Variants in TMEM74 observed in about 807,000 individuals in gnomAD.
TMEM74 encodes the protein transmembrane protein 74.
Under a neutral mutation model 18.1 loss-of-function variants are expected in TMEM74, and 13 were observed. The observed-to-expected ratio is 0.72, with a 90% CI of 0.47 to 1.14. The LOEUF is 1.14. TMEM74 is among the 50% of genes most tolerant of loss of function. The probability of loss-of-function intolerance (pLI) is 0.00; values close to 1 mark genes in which losing one functional copy is unlikely to be tolerated. For missense variants in TMEM74, 372 were observed against 375.9 expected, an observed-to-expected ratio of 0.99 and a Z score of 0.09; for synonymous variants, 159 against 146.6, an observed-to-expected ratio of 1.08 and a Z score of -0.61.
At chr8:108,757,835 C>T (rs1050257650) in intron 1 of TMEM74, among the ~76,000 whole-genome samples, 7 of 151,964 alleles carry the variant, frequency 4.6e-5, no homozygotes, top group African/African-American at 1.2e-4. Context: ...TTAGCAAACA[C>T]GTTGTAGCTT....
At chr8:108,696,067 C>G (rs1324495607) in intron 1 of TMEM74, among the ~76,000 whole-genome samples, 2 of 152,136 alleles carry the variant, frequency 1.3e-5, no homozygotes, top group Non-Finnish European at 2.9e-5. Flanking sequence ...AAATTTCCAT[C>G]AAAAAGTATG....
intron 2 of TMEM74, among the ~76,000 whole-genome samples, chr8:108,643,339 C>T (rs1812684686): frequency 6.6e-6 from 1 of 152,126 alleles, no homozygotes; most frequent in African/African-American, 2.4e-5. Context: ...ACTTTGAGAA[C>T]CATTGACTTA....
intron 1 of TMEM74, among the ~76,000 whole-genome samples, chr8:108,665,152 A>G (rs916040747): frequency 1.3e-5 from 2 of 152,146 alleles, no homozygotes; most frequent in Non-Finnish European, 2.9e-5. Flanking sequence ...TTGAGAGGTT[A>G]CAGCATTTGA....
intron 1 of TMEM74, among the ~76,000 whole-genome samples, chr8:108,767,468 A>G (rs1003633392): frequency 6.6e-6 from 1 of 152,194 alleles, no homozygotes; most frequent in African/African-American, 2.4e-5. Context: ...TAGGGTCAAT[A>G]TAGGAAGGAT....
At chr8:108,723,250 T>A (rs548223522) in intron 1 of TMEM74, among the ~76,000 whole-genome samples, 1 of 152,334 alleles carries the variant, frequency 6.6e-6, no homozygotes, top group East Asian at 1.9e-4. Context: ...ATGTTATATA[T>A]GCATTTGTTA....
intron 2 of TMEM74, among the ~76,000 whole-genome samples, chr8:108,612,183 A>C (rs1379787845): frequency 1.3e-5 from 2 of 152,062 alleles, no homozygotes; most frequent in Non-Finnish European, 2.9e-5. Flanking sequence ...CAGCCAAACT[A>C]TATCAGGCAC....
chr8:108,701,270 A>G (rs1029094861), intron 1 of TMEM74, among the ~76,000 whole-genome samples: 1 of 152,090 alleles, frequency 6.6e-6, no homozygotes, highest in Admixed American at 6.5e-5. Flanking sequence ...GAACATCTGT[A>G]AAAACCCCAC....
intron 1 of TMEM74, among the ~76,000 whole-genome samples, chr8:108,722,706 T>C (rs1323924151): frequency 6.6e-6 from 1 of 152,132 alleles, no homozygotes; most frequent in Non-Finnish European, 1.5e-5. Flanking sequence ...CTAATTTGCA[T>C]CTATCTCCCA....
intron 1 of TMEM74, among the ~76,000 whole-genome samples, chr8:108,720,513 T>C (rs554764605): frequency 6.6e-6 from 1 of 152,320 alleles, no homozygotes; most frequent in African/African-American, 2.4e-5. Flanking sequence ...GAATAATTGA[T>C]CTAATAGTCC....
chr8:108,673,103 G>A (rs1414284703), intron 1 of TMEM74, among the ~76,000 whole-genome samples: 1 of 152,120 alleles, frequency 6.6e-6, no homozygotes, highest in Non-Finnish European at 1.5e-5. Flanking sequence ...TAAGAAAATT[G>A]GATCCACTGT....
chr8:108,731,238 C>A (rs924847649), intron 1 of TMEM74, among the ~76,000 whole-genome samples: 1 of 151,420 alleles, frequency 6.6e-6, no homozygotes, highest in African/African-American at 2.4e-5. Context: ...CCCATCCCCC[C>A]CAAAAAAAGG....
At chr8:108,687,006 C>A (rs1056621467) in intron 1 of TMEM74, among the ~76,000 whole-genome samples, 3 of 152,056 alleles carry the variant, frequency 2.0e-5, no homozygotes, top group African/African-American at 7.2e-5. Context: ...ATTTGAATTT[C>A]AAATTTAAAT....
intron 2 of TMEM74, among the ~76,000 whole-genome samples, chr8:108,639,764 C>CT (rs1812644643): frequency 1.3e-5 from 2 of 151,994 alleles, no homozygotes; most frequent in Admixed American, 6.6e-5. Context: ...TCATTTTGGT[C>CT]CCTACGTATT....
At chr8:108,694,448 T>C (rs1411483802) in intron 1 of TMEM74, among the ~76,000 whole-genome samples, 1 of 152,226 alleles carries the variant, frequency 6.6e-6, no homozygotes, top group Non-Finnish European at 1.5e-5. Context: ...TATTGTATAA[T>C]TTCATTTATA....
intron 1 of TMEM74, among the ~76,000 whole-genome samples, chr8:108,697,720 G>A (rs1813294919): frequency 6.6e-6 from 1 of 152,160 alleles, no homozygotes; most frequent in Non-Finnish European, 1.5e-5. Context: ...TTCTTACTAT[G>A]TGAATTAATT....
chr8:108,730,474 T>C (rs1360963124), intron 1 of TMEM74, among the ~76,000 whole-genome samples: 1 of 152,196 alleles, frequency 6.6e-6, no homozygotes, highest in Non-Finnish European at 1.5e-5. Flanking sequence ...TTCTTGCACC[T>C]TTGGATACTA....
At chr8:108,752,835 T>C (rs374240074) in intron 1 of TMEM74, among the ~76,000 whole-genome samples, 2 of 152,146 alleles carry the variant, frequency 1.3e-5, no homozygotes, top group Admixed American at 6.6e-5. Context: ...ATTTCTTATC[T>C]GTCTTAGAAA....
At chr8:108,756,600 A>AAGAGAAAGGG (rs1190452309) in intron 1 of TMEM74, among the ~76,000 whole-genome samples, 744 of 40,664 alleles carry the variant, frequency 0.018, 42 homozygotes, top group Middle Eastern at 0.048. Context: ...AAGAAAGAGA[A>AAGAGAAAGGG]AGGAAGGAAG....
At chr8:108,633,001 G>T (rs531441021) in intron 2 of TMEM74, among the ~76,000 whole-genome samples, 14 of 152,058 alleles carry the variant, frequency 9.2e-5, no homozygotes, top group Admixed American at 7.2e-4. Context: ...GAAGAAGAGT[G>T]TTCAAATAAT....
Sources: gnomAD v4.1 joint callset for allele counts (sites outside exome capture counted in the v4.1 genomes callset) on GRCh38, gnomAD v4.1.1 for gene constraint, MANE v1.5 for transcripts, NCBI Gene and HGNC (gene_info 2026-07-23, HGNC 2026-07-21) for gene names.